Variants in POMK observed in about 807,000 individuals in gnomAD.
POMK encodes the protein protein O-mannose kinase, also known as Sugen kinase 196.
POMK carries 19 observed loss-of-function variants against 23.0 expected under a neutral mutation model. The observed-to-expected ratio is 0.83, with a 90% confidence interval of 0.58 to 1.21. The LOEUF (loss-of-function observed/expected upper bound fraction) is 1.21, where lower values mean the gene tolerates loss of function less well. Among genes scored for constraint, POMK ranks in the 50% most tolerant of loss-of-function variants. POMK has a pLI of 0.00. For synonymous variants in POMK, 173 were observed against 171.6 expected (o/e 1.01, Z -0.06); for missense variants, 410 against 431.3 (o/e 0.95, Z 0.44).
intron 4 of POMK, among the ~76,000 whole-genome samples, chr8:43,113,256 C>A (rs544476436): frequency 3.3e-5 from 5 of 152,176 alleles, no homozygotes; most frequent in Middle Eastern, 3.2e-3. Context: ...ACCAATCAGA[C>A]GTAGATTTGG....
chr8:43,120,643 C>T (rs187453860), intron 4 of POMK, among the ~76,000 whole-genome samples: 39 of 151,718 alleles, frequency 2.6e-4, no homozygotes, highest in African/African-American at 7.2e-4. Context: ...GGTACATGTA[C>T]GCTCCATTAC....
At chr8:43,119,071 G>A (rs1418237788) in intron 4 of POMK, among the ~76,000 whole-genome samples, 3 of 152,116 alleles carry the variant, frequency 2.0e-5, no homozygotes, top group African/African-American at 4.8e-5. Flanking sequence ...TCGGCCTCTT[G>A]AAGTGCTGGG....
At chr8:43,114,420 C>T (rs568895154) in intron 4 of POMK, among the ~76,000 whole-genome samples, 240 of 152,336 alleles carry the variant, frequency 1.6e-3, no homozygotes, top group African/African-American at 5.4e-3. Context: ...GAGCCACGTG[C>T]GGGATATAAT....
intron 2 of POMK, among the ~76,000 whole-genome samples, chr8:43,099,775 T>C (rs1811401350): frequency 6.6e-6 from 1 of 152,012 alleles, no homozygotes; most frequent in South Asian, 2.1e-4. Context: ...TTTGTAGTAA[T>C]AGGAGAGTGC....
chr8:43,099,793 T>G (rs1811401772), intron 2 of POMK, among the ~76,000 whole-genome samples: 2 of 152,110 alleles, frequency 1.3e-5, no homozygotes, highest in Admixed American at 6.6e-5. Context: ...TGCAGGAACC[T>G]GGGGTGGGGC....
At position 43,114,538 on chromosome 8, in the gene POMK, G is replaced by C. The variant is rs553996697; in HGVS notation, c.283-7569G>C. On this transcript the variant is annotated intron_variant, in intron 4 of 4. Transcript: ENST00000331373. Reference sequence around the variant, plus strand: ...CACCCCTTTCTTTGACTAGGAAAGGGAATGCCCTGACCCCTTGCGCTTCCT... The same window carrying C: ...CACCCCTTTCTTTGACTAGGAAAGGCAATGCCCTGACCCCTTGCGCTTCCT... Among the ~76,000 whole-genome samples, 7 of 152,358 alleles carry C rather than the reference G, an allele frequency of 4.6e-5. No homozygotes were observed. The South Asian group carries it at 1.2e-3, about 27-fold the overall frequency.
chr8:43,100,805 AG>A (rs1326976137), intron 2 of POMK, among the ~76,000 whole-genome samples: 1 of 151,776 alleles, frequency 6.6e-6, no homozygotes, highest in Non-Finnish European at 1.5e-5. Context: ...TGGTGCGGGA[AG>A]GGTCTTGGTA....
chr8:43,117,027 C>G (rs1351760797), intron 4 of POMK, among the ~76,000 whole-genome samples: 1 of 152,006 alleles, frequency 6.6e-6, no homozygotes, highest in Admixed American at 6.6e-5. Flanking sequence ...AGTGGGGGAG[C>G]TTTTTGAGCC....
chr8:43,110,072 A>G (rs1333059647), intron 4 of POMK, among the ~76,000 whole-genome samples: 3 of 152,188 alleles, frequency 2.0e-5, no homozygotes, highest in African/African-American at 4.8e-5. Context: ...GACTTTTCCT[A>G]TCTCATTTAA....
chr8:43,094,435 T>C (rs1811291778), intron 1 of POMK, among the ~76,000 whole-genome samples: 1 of 152,220 alleles, frequency 6.6e-6, no homozygotes, highest in Admixed American at 6.5e-5. Context: ...CTCAGCTCTT[T>C]GCCTTTGGGT....
At chr8:43,097,952 C>G (rs1461525317) in intron 2 of POMK, among the ~76,000 whole-genome samples, 1 of 152,104 alleles carries the variant, frequency 6.6e-6, no homozygotes, top group Non-Finnish European at 1.5e-5. Flanking sequence ...CAGCAGAGTT[C>G]AGATGGCTGC....
intron 1 of POMK, among the ~76,000 whole-genome samples, chr8:43,096,694 A>AG (rs1811341655): frequency 6.6e-6 from 1 of 152,166 alleles, no homozygotes; most frequent in African/African-American, 2.4e-5. Flanking sequence ...AAGAAAAAAA[A>AG]GAAAGCTCTC....
Position 43,103,733 on chromosome 8 carries a change from T to C in POMK, c.185T>C (p.Ile62Thr). ...CACTGTCCCTATGGTCACTTCAGGA[T>C]AGGACAGATGAAAAACTGCTCACCT... The part of the protein sequence containing the change: ...PTHCPYGHFR[I>T]GQMKNCSPWL... Residue 62 changes from isoleucine to threonine, a missense_variant, in exon 4 of 5, where the codon ATA (isoleucine) becomes ACA (threonine). Ile to Thr is a moderately conservative substitution (Grantham distance 89). Coordinates refer to ENST00000331373, the MANE Select transcript of POMK (RefSeq NM_032237.5). 3 of 1,614,154 alleles carry C rather than the reference T, an allele frequency of 1.9e-6. No homozygotes were observed. Among genetic ancestry groups the C allele is most frequent in the Non-Finnish European group, 2.5e-6 (3 of 1,180,034 alleles).
At chr8:43,118,210 A>C (rs563938654) in intron 4 of POMK, among the ~76,000 whole-genome samples, 17 of 152,356 alleles carry the variant, frequency 1.1e-4, no homozygotes, top group African/African-American at 3.8e-4. Flanking sequence ...TGCCCACACT[A>C]TGAAACATTA....
At chr8:43,114,844 T>C (rs1811763808) in intron 4 of POMK, among the ~76,000 whole-genome samples, 1 of 152,204 alleles carries the variant, frequency 6.6e-6, no homozygotes, top group Admixed American at 6.5e-5. Context: ...ACAGTACACC[T>C]GTGTCAGGGG....
chr8:43,099,354 G>T (rs1482856020), intron 2 of POMK, among the ~76,000 whole-genome samples: 1 of 152,216 alleles, frequency 6.6e-6, no homozygotes, highest in South Asian at 2.1e-4. Flanking sequence ...GTTCTGAGGA[G>T]AGGCTGGGAA....
chr8:43,102,767 G>C (rs1275877904), intron 3 of POMK, among the ~76,000 whole-genome samples, 167 bp downstream of exon 3: 1 of 152,112 alleles, frequency 6.6e-6, no homozygotes, highest in Non-Finnish European at 1.5e-5. Flanking sequence ...TGCCATCCAC[G>C]GTCCTACTTC....
intron 4 of POMK, among the ~76,000 whole-genome samples, chr8:43,107,682 T>C (rs1335817576): frequency 1.4e-5 from 2 of 142,440 alleles, no homozygotes; most frequent in Non-Finnish European, 3.1e-5. Context: ...GCAAGAATAC[T>C]TTTTTTTTTT....
chr8:43,106,265 A>G (rs1358067052), intron 4 of POMK, among the ~76,000 whole-genome samples: 1 of 152,042 alleles, frequency 6.6e-6, no homozygotes, highest in Admixed American at 6.6e-5. Context: ...GCATTTTTTC[A>G]CAAATTTATT....
Sources: gnomAD v4.1 joint callset for allele counts (sites outside exome capture counted in the v4.1 genomes callset) on GRCh38, gnomAD v4.1.1 for gene constraint, MANE v1.5 for transcripts, NCBI Gene and HGNC (gene_info 2026-07-23, HGNC 2026-07-21) for gene names.